EXT2: variants seen among roughly 807,000 people sequenced by gnomAD.
EXT2 encodes exostosin glycosyltransferase 2.
EXT2 carries 53 observed loss-of-function variants against 81.6 expected under a neutral mutation model. The observed-to-expected ratio is 0.65, with a 90% CI of 0.52 to 0.82. The LOEUF is 0.82. Ranked by LOEUF, EXT2 falls within the 40% of genes least tolerant of loss-of-function variation. The pLI, the probability that EXT2 is intolerant of heterozygous loss-of-function variation, is 0.00. For missense variants in EXT2, 774 were observed against 910.2 expected (o/e 0.85, Z 1.93); for synonymous variants, 320 against 340.0 (o/e 0.94, Z 0.65).
At chr11:44,103,869 G>T in intron 1 of EXT2, 1 of 177,024 alleles carries the variant, frequency 5.6e-6, no homozygotes, top group South Asian at 1.1e-4. Flanking sequence ...CCCCTTTTCA[G>T]GTATTTATTT....
At chr11:44,161,466 C>T (rs1410825175) in intron 7 of EXT2, among the ~76,000 whole-genome samples, 1 of 151,658 alleles carries the variant, frequency 6.6e-6, no homozygotes, top group Non-Finnish European at 1.5e-5. Flanking sequence ...TGAATAGCTA[C>T]TATACTCCAG....
At chr11:44,189,847 A>T (rs1451760444) in intron 8 of EXT2, among the ~76,000 whole-genome samples, 2 of 152,208 alleles carry the variant, frequency 1.3e-5, no homozygotes, top group African/African-American at 4.8e-5. Context: ...AAGAGATGCT[A>T]CTTGAAGACA....
intron 7 of EXT2, among the ~76,000 whole-genome samples, chr11:44,164,840 G>A (rs1438035511): frequency 2.0e-5 from 3 of 151,250 alleles, no homozygotes; most frequent in East Asian, 3.9e-4. Flanking sequence ...AGTGACTGGG[G>A]AATTTGCATA....
rs1324905612 is a variant in EXT2, at chr11:44,248,603, CCACT to C, written c.*4318_*4321del. On this transcript the variant is annotated 3_prime_UTR_variant, in exon 14 of 14. Transcript: ENST00000533608. ...CAGAGGAAAGTCAGGCAGGCAAGAC[CCACT>C]CTAAATTTTAATGTTTCCCCCTCAT... is the stretch of plus-strand genomic sequence containing the variant. Among the ~76,000 whole-genome samples the C allele has an allele frequency of 6.6e-6, 1 of 152,140 alleles. No individual in the cohort carries two copies. The highest frequency in any genetic ancestry group is 1.9e-4 in the East Asian group (1 of 5,194).
intron 10 of EXT2, among the ~76,000 whole-genome samples, chr11:44,229,751 G>C (rs1011311702): frequency 3.9e-5 from 6 of 152,178 alleles, no homozygotes; most frequent in Non-Finnish European, 7.3e-5. Flanking sequence ...CTTCCTTCCT[G>C]AATTAAGGAA....
rs947242705 is a variant in EXT2, at chr11:44,139,001, A to G, written c.1173+8863A>G. On this transcript the variant is annotated intron_variant, in intron 7 of 13. Coordinates refer to ENST00000533608, the MANE Select transcript of EXT2 (RefSeq NM_207122.2). ...TCTTAAAGAACCACAGTAAGTTACA[A>G]CTACTGATGTATTATGCATTTGCTT... Among the ~76,000 whole-genome samples the G allele has an allele frequency of 3.9e-5, 6 of 152,308 alleles. No individual in the cohort carries two copies. In the Middle Eastern group the frequency reaches 0.01, roughly 259 times the overall value.
At chr11:44,112,839 A>C (rs942909296) in intron 3 of EXT2, among the ~76,000 whole-genome samples, 6 of 152,094 alleles carry the variant, frequency 3.9e-5, no homozygotes, top group Non-Finnish European at 7.4e-5. Flanking sequence ...CTCTGCACAT[A>C]CACACCCACT....
rs1317963489 is a variant in EXT2 at position 44,126,864 on chromosome 11, G to A, written c.988G>A (p.Val330Ile). Residue 330 changes from valine to isoleucine, a missense_variant, in exon 6 of 14, where the codon GTA becomes ATA. This residue lies in a region of EXT2 where 626 missense variants were observed against 670.5 expected (regional missense o/e 0.93). Coordinates refer to ENST00000533608, the MANE Select transcript of EXT2 (RefSeq NM_207122.2). ...VLRGARLGQA[V>I]LSDVLQAGCV... ...TCGTGGAGCTCGGCTGGGCCAGGCA[G>A]TATTGAGCGATGTGTTACAAGCTGG... 2.5e-6 allele frequency: 4 copies of A among 1,614,098 alleles called. No individual in the cohort carries two copies. The highest frequency in any genetic ancestry group is 2.7e-5 in the African/African-American group (2 of 74,942).
Position 44,236,484 on chromosome 11 carries a change from A to G in EXT2, c.2018+109A>G, listed in dbSNP as rs148995335. 5,600 of 980,716 alleles carry G rather than the reference A, an allele frequency of 5.7e-3. 43 individuals carry two copies. The highest frequency in any genetic ancestry group is 5.9e-3 in the Non-Finnish European group (3,741 of 635,404). 60.8% of individuals were successfully genotyped at this position (980,716 alleles called of 1,614,324 possible). A position where few individuals can be genotyped will look rare whatever the true frequency, so the allele number is the denominator to read the frequency against. On this transcript the variant is annotated intron_variant, in intron 13 of 13. Coordinates refer to ENST00000533608, the MANE Select transcript of EXT2 (RefSeq NM_207122.2). ...GATATAAGGACAGCAGCTGGTAGCCATAGTCACCTCCATGTGCACTGTGGG... is the reference window on the plus strand; with the variant it reads ...GATATAAGGACAGCAGCTGGTAGCCGTAGTCACCTCCATGTGCACTGTGGG...
chr11:44,123,654 T>G (rs1476199410), intron 4 of EXT2, among the ~76,000 whole-genome samples: 3 of 152,216 alleles, frequency 2.0e-5, no homozygotes, highest in Non-Finnish European at 4.4e-5. Flanking sequence ...AATATTTCAA[T>G]GAGCATTTCT....
chr11:44,168,822 A>G (rs1955030685), intron 7 of EXT2, among the ~76,000 whole-genome samples: 1 of 152,240 alleles, frequency 6.6e-6, no homozygotes, highest in African/African-American at 2.4e-5. Context: ...CAGTGAAATA[A>G]ATAACAAAAT....
chr11:44,189,014 A>C (rs957919053), intron 8 of EXT2, among the ~76,000 whole-genome samples: 2 of 152,242 alleles, frequency 1.3e-5, no homozygotes, highest in Non-Finnish European at 2.9e-5. Flanking sequence ...AGTAAACCAA[A>C]GAAAAAGCAA....
intron 10 of EXT2, among the ~76,000 whole-genome samples, chr11:44,216,112 A>AAG (rs1467159615): frequency 2.0e-5 from 3 of 150,044 alleles, no homozygotes; most frequent in African/African-American, 2.4e-5. Context: ...TCCTGACCTC[A>AAG]TGATCCACCC....
intron 7 of EXT2, among the ~76,000 whole-genome samples, chr11:44,143,077 G>A (rs768240467): frequency 2.0e-5 from 3 of 152,102 alleles, no homozygotes; most frequent in African/African-American, 4.8e-5. Flanking sequence ...TCAGCCTTCC[G>A]AATAGCTGGG....
intron 12 of EXT2, among the ~76,000 whole-genome samples, chr11:44,234,598 G>GT (rs893384492): frequency 3.6e-5 from 2 of 55,232 alleles, no homozygotes; most frequent in Non-Finnish European, 7.8e-5. Flanking sequence ...TAAGGTAGCT[G>GT]GTTTTTTTTT....
rs1954377834 is a variant in EXT2 at position 44,124,944 on chromosome 11, G to T, written c.899G>T (p.Cys300Phe). 1 of 1,613,698 alleles carries T rather than the reference G, an allele frequency of 6.2e-7. No individual in the cohort carries two copies. Among genetic ancestry groups the T allele is most frequent in the Non-Finnish European group, 8.5e-7 (1 of 1,180,026 alleles). Residue 300 changes from cysteine (C) to phenylalanine (F), a missense_variant, in exon 5 of 14, where the codon TGC becomes TTC. Physicochemically the swap from Cys to Phe is radical, Grantham distance 205. Around this residue, in one of 2 missense-constraint regions of EXT2, gnomAD observed 626 missense variants for 670.5 expected, o/e 0.93. Coordinates refer to ENST00000533608, the MANE Select transcript of EXT2 (RefSeq NM_207122.2). ...SEGVLSVRKR[C>F]HKHQVFDYPQ... ...GGTGTCCTTTCTGTCCGTAAGCGCT[G>T]CCACAAGCACCAGGTCTTCGATTAC...
Position 44,196,599 on chromosome 11 carries a change from A to AG in EXT2, c.1306-1228dup, listed in dbSNP as rs200379819. Among the ~76,000 whole-genome samples, 563 of 152,306 alleles carry AG rather than the reference A, an allele frequency of 3.7e-3. 4 individuals carry two copies. Among genetic ancestry groups the AG allele is most frequent in the East Asian group, 0.031 (160 of 5,194 alleles). On this transcript the variant is annotated intron_variant, in intron 8 of 13. Coordinates refer to ENST00000533608, the MANE Select transcript of EXT2 (RefSeq NM_207122.2). ...CCTGACCTTTTTTCCCCCGACTGAC[A>AG]GGACCAACCAGGTAGCAATCCTGCC...
intron 8 of EXT2, 110 bp downstream of exon 8, chr11:44,171,852 A>AATTTATACTTGGGGCC: frequency 6.5e-7 from 1 of 1,529,876 alleles, no homozygotes; most frequent in Non-Finnish European, 9.0e-7. Context: ...GCTTTCTAAG[A>AATTTATACTTGGGGCC]TGAGAGTGTG....
At chr11:44,116,340 G>T (rs1954220566) in intron 4 of EXT2, 3 of 152,114 alleles carry the variant, frequency 2.0e-5, no homozygotes, top group African/African-American at 7.2e-5. Flanking sequence ...TAATAGCATG[G>T]AATCAGTACT....
Sources: allele counts gnomAD v4.1 joint callset (sites outside exome capture counted in the v4.1 genomes callset), GRCh38; gene constraint gnomAD v4.1.1; regional missense constraint gnomAD v4.1.1; transcripts MANE v1.5; gene names NCBI Gene and HGNC (gene_info 2026-07-23, HGNC 2026-07-21).